RABGAP1: variants seen among roughly 807,000 people sequenced by gnomAD.
The protein encoded by RABGAP1 is RAB GTPase activating protein 1.
A neutral mutation model predicts 137.6 loss-of-function variants in RABGAP1; 23 were observed. The observed-to-expected ratio is 0.17, with a 90% CI of 0.12 to 0.24. The LOEUF (loss-of-function observed/expected upper bound fraction) is 0.24. Ranked by LOEUF, RABGAP1 falls within the 10% of genes least tolerant of loss-of-function variation. The pLI is 1.00. For missense variants in RABGAP1, 906 were observed against 1,275.8 expected, an observed-to-expected ratio of 0.71 and a Z score of 4.42; for synonymous variants, 451 against 450.7, an observed-to-expected ratio of 1.00 and a Z score of -0.01.
chr9:123,043,870 A>C (rs2033074103), intron 13 of RABGAP1, among the ~76,000 whole-genome samples: 2 of 150,590 alleles, frequency 1.3e-5, no homozygotes, highest in Non-Finnish European at 3.0e-5. Context: ...GTACTGTTTG[A>C]CCTTTTCACT....
intron 1 of RABGAP1, among the ~76,000 whole-genome samples, chr9:122,952,205 C>T (rs575854897): frequency 6.6e-6 from 1 of 151,960 alleles, no homozygotes; most frequent in East Asian, 1.9e-4. Flanking sequence ...GCAGTTTATG[C>T]CTGTAATCCC....
At position 123,103,963 on chromosome 9, in the gene RABGAP1, T is replaced by TG. The variant is rs2035421289; in HGVS notation, c.*750_*751insG. On this transcript the variant is annotated 3_prime_UTR_variant, in exon 26 of 26. Coordinates refer to ENST00000373647, the MANE Select transcript of RABGAP1 (RefSeq NM_012197.4). ...ACAAATCTTATTTTGCTTAATGTGT[T>TG]TGTGTGTGTGTGTGTGTGTGTGTGT... 8 of 141,504 alleles carry TG rather than the reference T, an allele frequency of 5.7e-5. No individual in the cohort carries two copies. The highest frequency in any genetic ancestry group is 1.3e-4 in the African/African-American group (5 of 37,576). 8.8% of individuals were successfully genotyped at this position (141,504 alleles called of 1,614,324 possible). A position where few individuals can be genotyped will look rare whatever the true frequency, so the allele number is the denominator to read the frequency against.
chr9:123,035,092 G>A, intron 13 of RABGAP1: 1 of 1,614,124 alleles, frequency 6.2e-7, no homozygotes, highest in South Asian at 1.1e-5. Context: ...ATATCATGGA[G>A]ATGTGTTTCA....
rs2034422704 is a variant in RABGAP1 at position 123,073,534 on chromosome 9, C to T, written c.1984-18C>T. ...CACCGCCATCCTCCCTACCCAACAA[C>T]TTGCCTATCTGTTACAGATGCCTGA... On this transcript the variant is annotated intron_variant, in intron 15 of 25. Transcript: ENST00000373647. The T allele has an allele frequency of 1.2e-6, 2 of 1,603,602 alleles. No homozygotes were observed. Among genetic ancestry groups the T allele is most frequent in the Non-Finnish European group, 1.7e-6 (2 of 1,176,164 alleles).
chr9:123,000,722 C>G (rs1281932205), intron 10 of RABGAP1, among the ~76,000 whole-genome samples: 1 of 151,778 alleles, frequency 6.6e-6, no homozygotes, highest in Non-Finnish European at 1.5e-5. Flanking sequence ...CCATGTTGTC[C>G]AGGCTGGTCT....
At position 123,063,355 on chromosome 9, in the gene RABGAP1, A is replaced by G. The variant is rs939770087; in HGVS notation, c.1795-1993A>G. 3 of 152,848 alleles carry G rather than the reference A, an allele frequency of 2.0e-5. No individual in the cohort carries two copies. In the East Asian group the frequency reaches 5.8e-4, roughly 29 times the overall value. 9.5% of individuals were successfully genotyped at this position (152,848 alleles called of 1,614,324 possible). A position where few individuals can be genotyped will look rare whatever the true frequency, so the allele number is the denominator to read the frequency against. On this transcript the variant is annotated intron_variant, in intron 13 of 25. Transcript: ENST00000373647. ...TTCCAGTTTTGGCTGTTAGGAATAAAGCTTCTGTAAACATTTGAGTTTAAG... is the reference window on the plus strand; with the variant it reads ...TTCCAGTTTTGGCTGTTAGGAATAAGGCTTCTGTAAACATTTGAGTTTAAG...
At chr9:123,025,043 T>G (rs2031873903) in intron 13 of RABGAP1, among the ~76,000 whole-genome samples, 1 of 152,210 alleles carries the variant, frequency 6.6e-6, no homozygotes, top group Non-Finnish European at 1.5e-5. Context: ...TGCAAGATTT[T>G]TATTCTGTGT....
chr9:123,002,000 T>C (rs1445037706), intron 10 of RABGAP1, among the ~76,000 whole-genome samples: 1 of 152,144 alleles, frequency 6.6e-6, no homozygotes, highest in Non-Finnish European at 1.5e-5. Context: ...CTTTGAAAGT[T>C]TAGAGATTAA....
intron 13 of RABGAP1, among the ~76,000 whole-genome samples, chr9:123,031,165 T>C (rs989179713): frequency 3.3e-5 from 5 of 152,330 alleles, no homozygotes; most frequent in African/African-American, 1.2e-4. Flanking sequence ...GTTTTATACA[T>C]GGGAAACCAC....
At chr9:123,009,459 A>ATG (rs1696015616) in intron 10 of RABGAP1, among the ~76,000 whole-genome samples, 1 of 152,046 alleles carries the variant, frequency 6.6e-6, no homozygotes, top group African/African-American at 2.4e-5. Flanking sequence ...TTACTTTGGT[A>ATG]TGTGTGTATA....
chr9:122,936,700 C>A (rs1221422073), upstream of RABGAP1, among the ~76,000 whole-genome samples: 1 of 152,132 alleles, frequency 6.6e-6, no homozygotes, highest in Non-Finnish European at 1.5e-5. Flanking sequence ...CTGTTTTGAC[C>A]CCCCACCAGC....
chr9:123,059,361 T>C (rs888771621), intron 13 of RABGAP1, among the ~76,000 whole-genome samples: 1 of 152,102 alleles, frequency 6.6e-6, no homozygotes, highest in African/African-American at 2.4e-5. Context: ...GAGACCATCC[T>C]GACTAACACA....
At chr9:123,003,791 A>G (rs974807166) in intron 10 of RABGAP1, among the ~76,000 whole-genome samples, 1 of 152,228 alleles carries the variant, frequency 6.6e-6, no homozygotes, top group Non-Finnish European at 1.5e-5. Flanking sequence ...TGAAAGAGCA[A>G]GAAAATGAGC....
chr9:122,946,826 C>CA (rs1409043462), intron 1 of RABGAP1, among the ~76,000 whole-genome samples: 4 of 152,126 alleles, frequency 2.6e-5, no homozygotes, highest in Non-Finnish European at 5.9e-5. Context: ...TCATAATTAA[C>CA]AGAGTTAAAT....
At chr9:123,097,709 T>G in intron 21 of RABGAP1, 32 bp from the exon 22 acceptor site, 1 of 1,569,846 alleles carries the variant, frequency 6.4e-7, no homozygotes, top group Non-Finnish European at 8.6e-7. Flanking sequence ...TCCCAATTCT[T>G]GTTTTGTGAC....
At chr9:123,086,557 T>A (rs1564186449) in intron 19 of RABGAP1, among the ~76,000 whole-genome samples, 1 of 152,208 alleles carries the variant, frequency 6.6e-6, no homozygotes, top group Non-Finnish European at 1.5e-5. Flanking sequence ...TATCTTGGAA[T>A]TGGTGCCTCA....
At chr9:122,935,963 T>C (rs1833382331), upstream of RABGAP1, among the ~76,000 whole-genome samples, 2 of 152,216 alleles carry the variant, frequency 1.3e-5, no homozygotes, top group South Asian at 4.1e-4. Flanking sequence ...CAGTTTTTTT[T>C]TTCTTTCTTT....
Position 123,020,458 on chromosome 9 carries a change from A to C in RABGAP1, c.1793A>C (p.Lys598Thr). The change falls in exon 13 of 26, where the codon AAG becomes ACG. Residue 598 changes from lysine (K) to threonine (T), a missense_variant and splice_region_variant. By Grantham distance (78) the Lys-to-Thr change is moderately conservative. This residue lies in a region of RABGAP1 where 212 missense variants were observed against 289.4 expected (regional missense o/e 0.73). Coordinates refer to ENST00000373647, the MANE Select transcript of RABGAP1 (RefSeq NM_012197.4). ...LVEKYRILIT[K>T]ESPQDSAITR... ...GAGAAATACCGCATTCTTATCACAA[A>C]GGTAAGGGGGTGATAATTCAGCTTC... 6.3e-7 allele frequency: 1 copy of C among 1,590,798 alleles called. No homozygotes were observed. The highest frequency in any genetic ancestry group is 1.7e-4 in the Middle Eastern group (1 of 6,006).
At chr9:122,989,848 T>G (rs1836572602) in intron 5 of RABGAP1, 1 of 541,824 alleles carries the variant, frequency 1.8e-6, no homozygotes, top group African/African-American at 1.9e-5. Context: ...GGATTTATAG[T>G]GCTTACAACC....
Sources: allele counts gnomAD v4.1 joint callset (sites outside exome capture counted in the v4.1 genomes callset), GRCh38; gene constraint gnomAD v4.1.1; regional missense constraint gnomAD v4.1.1; transcripts MANE v1.5; gene names NCBI Gene and HGNC (gene_info 2026-07-23, HGNC 2026-07-21).